Variants in DNAJB2 observed in about 807,000 individuals in gnomAD.
DNAJB2 encodes DnaJ heat shock protein family (Hsp40) member B2.
DNAJB2 carries 19 observed loss-of-function variants against 33.3 expected under a neutral mutation model. The ratio of observed to expected loss-of-function variants is 0.57; its 90% confidence interval spans 0.40 to 0.84. The LOEUF is 0.84. Ranked by LOEUF, DNAJB2 falls within the 40% of genes least tolerant of loss-of-function variation. The pLI, the probability that DNAJB2 is intolerant of heterozygous loss-of-function variation, is 0.00. For synonymous variants in DNAJB2, 172 were observed against 164.6 expected, an observed-to-expected ratio of 1.04 and a Z score of -0.34; for missense variants, 368 against 430.9, an observed-to-expected ratio of 0.85 and a Z score of 1.29.
chr2:219,285,518 CT>C lies in DNAJB2; in HGVS notation c.*532del. ...TCTCTTCTGGTGTTGCTTCTCCTCCCTCCCATTCTCTCTGCAACTCCCTGCG... is the reference window on the plus strand; with the variant it reads ...TCTCTTCTGGTGTTGCTTCTCCTCCCCCCATTCTCTCTGCAACTCCCTGCG... On this transcript the variant is annotated 3_prime_UTR_variant, in exon 9 of 9. Coordinates refer to ENST00000336576, the MANE Select transcript of DNAJB2 (RefSeq NM_006736.6). 1 of 1,013,180 alleles carries C rather than the reference CT, an allele frequency of 9.9e-7. No homozygotes were observed. The highest frequency in any genetic ancestry group is 1.2e-6 in the Non-Finnish European group (1 of 847,678). The allele number at this position is 1,013,180 out of a possible 1,614,324, so 62.8% of individuals were successfully genotyped here.
At chr2:219,280,149 CCCTCCTCCTCCT>C (rs967688934) in intron 2 of DNAJB2, 1 of 539,552 alleles carries the variant, frequency 1.9e-6, no homozygotes, top group East Asian at 3.2e-5. Flanking sequence ...GTTGATCTTC[CCCTCCTCCTCCT>C]CCTCCTCCTC....
Position 219,281,985 on chromosome 2 carries a change from C to T in DNAJB2, c.276C>T (p.Phe92=), listed in dbSNP as rs1218698339. The T allele has an allele frequency of 1.2e-6, 2 of 1,614,220 alleles. No homozygotes were observed. The highest frequency in any genetic ancestry group is 2.2e-5 in the East Asian group (1 of 44,884). The change falls in exon 5 of 9, where the codon TTC becomes TTT. Residue 92 remains phenylalanine (F), a synonymous_variant. Transcript: ENST00000336576. ...RAEAGSGGPG[F]TFTFRSPEEV... is the part of the protein sequence containing the mutation. ...AAGCTGGCAGTGGTGGGCCTGGCTT[C>T]ACCTTCACCTTCCGCAGCCCCGAGG... is the stretch of plus-strand genomic sequence containing the variant.
chr2:219,282,750 G>A, intron 5 of DNAJB2, 87 bp from the exon 6 acceptor site: 1 of 1,292,996 alleles, frequency 7.7e-7, no homozygotes, highest in South Asian at 1.7e-5. Context: ...CAGTTGCTTA[G>A]TGGTTTATAC....
chr2:219,281,457 A>G, intron 3 of DNAJB2: 2 of 493,834 alleles, frequency 4.0e-6, no homozygotes, highest in South Asian at 6.7e-5. Context: ...GTTTACGTGG[A>G]TGGTCTCATT....
rs369758068 is a variant in DNAJB2, at chr2:219,283,235, G to A, written c.548G>A (p.Arg183Lys). Residue 183 changes from arginine to lysine, a missense_variant and splice_region_variant, in exon 7 of 9, where the codon AGA (arginine) becomes AAA (lysine). Arg to Lys is a conservative substitution (Grantham distance 26). Coordinates refer to ENST00000336576, the MANE Select transcript of DNAJB2 (RefSeq NM_006736.6). ...FVQGRRITTRRIMENGQERVE... is the reference protein window; with the variant it reads ...FVQGRRITTRKIMENGQERVE... ...CAAGGACGCCGCATCACCACACGCA[G>A]GTGAGAGCTCCTTCTGGGGCCATAG... is the stretch of plus-strand genomic sequence containing the variant. The A allele has an allele frequency of 3.2e-5, 51 of 1,614,096 alleles. No individual in the cohort carries two copies. Among genetic ancestry groups the A allele is most frequent in the Non-Finnish European group, 4.3e-5 (51 of 1,180,044 alleles).
intron 2 of DNAJB2, chr2:219,280,124 AT>A: frequency 1.2e-5 from 7 of 563,720 alleles, no homozygotes; most frequent in African/African-American, 3.8e-5. Context: ...GCACTGTGTT[AT>A]GGGTTGTTCT....
intron 2 of DNAJB2, 127 bp downstream of exon 2, chr2:219,280,025 C>A: frequency 1.0e-6 from 1 of 962,998 alleles, no homozygotes; most frequent in Non-Finnish European, 1.6e-6. Context: ...GGTGCTTCTT[C>A]CGAGTGACAC....
At chr2:219,280,037 T>C in intron 2 of DNAJB2, 139 bp downstream of exon 2, 5 of 873,764 alleles carry the variant, frequency 5.7e-6, no homozygotes, top group Non-Finnish European at 8.9e-6. Context: ...GAGTGACACC[T>C]GCAGGGAGGA....
chr2:219,280,218 CTGCAGTGCAAAGA>C (rs1475835023), intron 2 of DNAJB2: 17 of 519,888 alleles, frequency 3.3e-5, no homozygotes, highest in Admixed American at 1.0e-4. Flanking sequence ...CATTCTCAGG[CTGCAGTGCAAAGA>C]TGCAGTGCAA....
chr2:219,282,153 G>C, intron 5 of DNAJB2, 92 bp downstream of exon 5: 1 of 1,606,556 alleles, frequency 6.2e-7, no homozygotes, highest in Non-Finnish European at 8.5e-7. Flanking sequence ...GGAAGGCTGA[G>C]AGGGGACGGG....
At position 219,284,978 on chromosome 2, in the gene DNAJB2, C is replaced by G. The variant is rs375689394; in HGVS notation, c.966C>G (p.Leu322=). Residue 322 remains leucine (L), a synonymous_variant, in exon 9 of 9, where the codon CTC becomes CTG. Transcript: ENST00000336576. The stretch of plus-strand genomic sequence containing the variant: ...CAGAGGAGAAGGCCTCTCGCTGCCT[C>G]ATCCTCTGAACACCGGGCCCAACCT... ...PSPEEKASRC[L]IL 2.0e-6 allele frequency: 3 copies of G among 1,510,978 alleles called. No homozygotes were observed. Among genetic ancestry groups the G allele is most frequent in the Non-Finnish European group, 2.7e-6 (3 of 1,125,794 alleles). The allele number at this position is 1,510,978 out of a possible 1,614,324, so 93.6% of individuals were successfully genotyped here.
rs375597355 is a variant in DNAJB2, at chr2:219,279,783, C to G, written c.-36-15C>G. On this transcript the variant is annotated splice_polypyrimidine_tract_variant and intron_variant, in intron 1 of 8. Coordinates refer to ENST00000336576, the MANE Select transcript of DNAJB2 (RefSeq NM_006736.6). The surrounding 1 kb of genome is among the most constrained non-coding windows in gnomAD (Gnocchi z 4.9). ...GGCTCTTGGTTCTTTCCGCCTGACT[C>G]CTTCTCTTCTGCAGCCCCAAGGAGG... is the stretch of plus-strand genomic sequence containing the variant. 2 of 1,606,786 alleles carry G rather than the reference C, an allele frequency of 1.2e-6. No homozygotes were observed. Among genetic ancestry groups the G allele is most frequent in the Non-Finnish European group, 1.7e-6 (2 of 1,175,088 alleles).
At chr2:219,282,184 T>C (rs752855418) in intron 5 of DNAJB2, 123 bp downstream of exon 5, 3 of 1,548,802 alleles carry the variant, frequency 1.9e-6, no homozygotes, top group South Asian at 1.1e-5. Context: ...ACAGAAGATT[T>C]TGTGGAGCTG....
chr2:219,282,928 C>T lies in DNAJB2; in HGVS notation c.444C>T (p.Ser148=), dbSNP rs200554674. Residue 148 remains serine (S), a splice_region_variant and synonymous_variant, in exon 6 of 9, where the codon TCC becomes TCT. Transcript: ENST00000336576. The part of the protein sequence containing the change: ...FTFSSSFPGH[S]DFSSSSFSFS... Reference sequence around the variant, plus strand: ...TCTCTTCCTCCTTCCCTGGGCACTCCGGTAAGTTCTGCCCCTTCCCACGTT... The same window carrying T: ...TCTCTTCCTCCTTCCCTGGGCACTCTGGTAAGTTCTGCCCCTTCCCACGTT... The T allele has an allele frequency of 2.7e-5, 43 of 1,595,130 alleles. No homozygotes were observed. The highest frequency in any genetic ancestry group is 1.4e-4 in the Admixed American group (8 of 55,426).
chr2:219,285,883 A>G lies in DNAJB2; in HGVS notation c.*896A>G. ...GCTTCCCTACCACAAATCAGGGCTC[A>G]GGGAGAGGCCATGCGGCCAGCCCAG... On this transcript the variant is annotated 3_prime_UTR_variant, in exon 9 of 9. Transcript: ENST00000336576. 6.5e-7 allele frequency: 1 copy of G among 1,548,280 alleles called. No homozygotes were observed. The highest frequency in any genetic ancestry group is 8.7e-7 in the Non-Finnish European group (1 of 1,148,698).
Position 219,284,642 on chromosome 2 carries a change from T to C in DNAJB2, c.630T>C (p.Asp210=). 6.3e-7 allele frequency: 1 copy of C among 1,587,160 alleles called. No homozygotes were observed. Among genetic ancestry groups the C allele is most frequent in the Non-Finnish European group, 8.6e-7 (1 of 1,162,342 alleles). ...CTGTGACTCTTGCAGGTGTCCCAGA[T>C]GACCTGGCACTGGGCTTGGAGCTGA... ...LKSVTINGVP[D]DLALGLELSR... The change falls in exon 9 of 9, where the codon GAT becomes GAC. Residue 210 remains aspartate (D), a synonymous_variant. Transcript: ENST00000336576.
At chr2:219,280,869 G>A (rs1309053834) in intron 3 of DNAJB2, 182 bp downstream of exon 3, 27 of 591,258 alleles carry the variant, frequency 4.6e-5, no homozygotes, top group Non-Finnish European at 7.2e-5. Flanking sequence ...TGGTAGGAGT[G>A]GCTGGCATGA....
chr2:219,283,513 G>T (rs758770471), intron 8 of DNAJB2, 24 bp downstream of exon 8: 17 of 1,605,800 alleles, frequency 1.1e-5, no homozygotes, highest in Non-Finnish European at 1.2e-5. Context: ...CCCCTACCCA[G>T]CCCCTGGCAG....
Position 219,284,670 on chromosome 2 carries a change from C to T in DNAJB2, c.658C>T (p.Arg220Cys), listed in dbSNP as rs373611775. The change falls in exon 9 of 9, where the codon CGT becomes TGT. Residue 220 changes from arginine to cysteine, a missense_variant. By Grantham distance (180) the Arg-to-Cys change is radical (BLOSUM62 -3). Transcript: ENST00000336576. ...CCTGGCACTGGGCTTGGAGCTGAGC[C>T]GTCGCGAGCAGCAGCCGTCAGTCAC... ...DDLALGLELS[R>C]REQQPSVTSR... The T allele has an allele frequency of 1.0e-5, 16 of 1,605,456 alleles. No homozygotes were observed. The highest frequency in any genetic ancestry group is 1.3e-5 in the African/African-American group (1 of 74,800).
Sources: gnomAD v4.1 joint callset for allele counts on GRCh38, gnomAD v4.1.1 for gene constraint, Gnocchi (gnomAD v3.1) non-coding constraint, MANE v1.5 for transcripts, NCBI Gene and HGNC (gene_info 2026-07-23, HGNC 2026-07-21) for gene names.